The following ADARB2 variants were observed in gnomAD, a reference collection of about 807,000 sequenced individuals.
ADARB2 encodes inactive double-stranded RNA-specific editase B2.
ADARB2 carries 25 observed loss-of-function variants against 62.2 expected under a neutral mutation model. That is an observed-to-expected ratio of 0.40 (90% CI 0.29 to 0.56). The LOEUF is 0.56. ADARB2 is among the 20% of genes least tolerant of loss of function. The pLI, the probability that ADARB2 is intolerant of heterozygous loss-of-function variation, is 0.43. For missense variants in ADARB2, 1,071 were observed against 1,077.4 expected, an observed-to-expected ratio of 0.99 and a Z score of 0.08; for synonymous variants, 572 against 500.8, an observed-to-expected ratio of 1.14 and a Z score of -1.90.
chr10:1,207,741 C>T (rs565290757), intron 7 of ADARB2, among the ~76,000 whole-genome samples: 1 of 152,362 alleles, frequency 6.6e-6, no homozygotes, highest in South Asian at 2.1e-4. Flanking sequence ...CATTTAAAGA[C>T]ACATTGTGAT....
intron 1 of ADARB2, among the ~76,000 whole-genome samples, chr10:1,600,652 ACT>A: frequency 9.7e-6 from 1 of 103,018 alleles, no homozygotes; most frequent in Admixed American, 1.5e-4. Flanking sequence ...ACAGAGTGAG[ACT>A]CTGTCTCAAA....
chr10:1,719,689 C>G (rs1200477359), intron 1 of ADARB2, among the ~76,000 whole-genome samples: 1 of 152,142 alleles, frequency 6.6e-6, no homozygotes, highest in Non-Finnish European at 1.5e-5. Context: ...CTAAATAAAT[C>G]AACAAGCAAA....
At position 1,703,482 on chromosome 10, in the gene ADARB2, A is replaced by C. The variant is rs572558006; in HGVS notation, c.100+33569T>G. On this transcript the variant is annotated intron_variant, in intron 1 of 9. Coordinates refer to ENST00000381312, the MANE Select transcript of ADARB2 (RefSeq NM_018702.4). ...CAAGAGAAATAGTAGTGTGTGTTTG[A>C]GTAGGCAGGGATGATCCAGCAGAGA... is the stretch of plus-strand genomic sequence containing the variant. Among the ~76,000 whole-genome samples the C allele has an allele frequency of 9.2e-5, 14 of 152,246 alleles. No individual in the cohort carries two copies. The South Asian group carries it at 2.7e-3, about 29-fold the overall frequency.
intron 3 of ADARB2, among the ~76,000 whole-genome samples, chr10:1,313,999 C>T (rs1323278027): frequency 6.6e-6 from 1 of 152,238 alleles, no homozygotes; most frequent in African/African-American, 2.4e-5. Flanking sequence ...AATCTCCAGC[C>T]TCCACTCTTG....
At chr10:1,705,907 T>G (rs1834884511) in intron 1 of ADARB2, among the ~76,000 whole-genome samples, 1 of 152,214 alleles carries the variant, frequency 6.6e-6, no homozygotes, top group Non-Finnish European at 1.5e-5. Flanking sequence ...CTAGCTATTC[T>G]AGGATCAGAA....
chr10:1,683,294 C>T (rs1834561488), intron 1 of ADARB2, among the ~76,000 whole-genome samples: 1 of 152,174 alleles, frequency 6.6e-6, no homozygotes, highest in African/African-American at 2.4e-5. Context: ...AAATGTGCTT[C>T]ATAAGGAATC....
chr10:1,512,512 G>T (rs1831949471), intron 1 of ADARB2, among the ~76,000 whole-genome samples: 1 of 152,218 alleles, frequency 6.6e-6, no homozygotes, highest in South Asian at 2.1e-4. Flanking sequence ...ACAGAATGAG[G>T]TCAGTATCAT....
chr10:1,484,429 G>C lies in ADARB2; in HGVS notation c.101-105269C>G, dbSNP rs1430926694. 2.0e-5 allele frequency among the ~76,000 whole-genome samples: 3 copies of C among 152,256 alleles called. No homozygotes were observed. In the South Asian group the frequency reaches 6.2e-4, roughly 32 times the overall value. ...CCCCAGGCTGCCGCCCACCGCTCAA[G>C]CTCAGAGCTAGAGCCCTGTCCACGC... On this transcript the variant is annotated intron_variant, in intron 1 of 9. Transcript: ENST00000381312.
chr10:1,624,624 G>GT (rs1833744784), intron 1 of ADARB2, among the ~76,000 whole-genome samples: 1 of 152,254 alleles, frequency 6.6e-6, no homozygotes, highest in South Asian at 2.1e-4. Flanking sequence ...TGATGGATAT[G>GT]TTTTTAAGAG....
rs532482059 is a variant in ADARB2 at position 1,627,208 on chromosome 10, C to T, written c.100+109843G>A. Among the ~76,000 whole-genome samples the T allele has an allele frequency of 2.7e-3, 416 of 152,032 alleles. 3 individuals carry two copies. Among genetic ancestry groups the T allele is most frequent in the African/African-American group, 8.7e-3 (360 of 41,450 alleles). On this transcript the variant is annotated intron_variant, in intron 1 of 9. Coordinates refer to ENST00000381312, the MANE Select transcript of ADARB2 (RefSeq NM_018702.4). ...GGGACGTGCACAAGAAGGGGCTTGA[C>T]GAGCCTCGGATTGATTTATTGATTT...
chr10:1,652,772 G>A (rs1387515227), intron 1 of ADARB2, among the ~76,000 whole-genome samples: 1 of 152,162 alleles, frequency 6.6e-6, no homozygotes, highest in Non-Finnish European at 1.5e-5. Context: ...GTTAGATGGT[G>A]CTGAACTTGA....
chr10:1,284,746 G>T (rs181358550), intron 3 of ADARB2, among the ~76,000 whole-genome samples: 5 of 152,170 alleles, frequency 3.3e-5, no homozygotes, highest in African/African-American at 1.2e-4. Flanking sequence ...CTCTTTTGAG[G>T]TGGATTCCCA....
intron 4 of ADARB2, among the ~76,000 whole-genome samples, chr10:1,250,951 G>A (rs1831032715): frequency 1.3e-5 from 2 of 152,178 alleles, no homozygotes; most frequent in Admixed American, 6.5e-5. Context: ...CAGGAATTTA[G>A]TATAGGACAA....
At chr10:1,479,373 T>G (rs576637492) in intron 1 of ADARB2, among the ~76,000 whole-genome samples, 1 of 152,182 alleles carries the variant, frequency 6.6e-6, no homozygotes, top group Admixed American at 6.5e-5. Flanking sequence ...AAGTTAGGGA[T>G]AGCAGATTCC....
intron 1 of ADARB2, among the ~76,000 whole-genome samples, chr10:1,587,767 G>A (rs897814969): frequency 2.3e-4 from 35 of 152,266 alleles, no homozygotes; most frequent in Non-Finnish European, 3.1e-4. Flanking sequence ...TTGTGGGAGC[G>A]ACCTGGTGGG....
intron 1 of ADARB2, chr10:1,526,850 A>G (rs772741110): frequency 5.8e-6 from 3 of 515,666 alleles, no homozygotes; most frequent in Non-Finnish European, 1.2e-5. Flanking sequence ...GTGAGCGGGC[A>G]CAGGCAGCCA....
chr10:1,718,652 C>T (rs1027530049), intron 1 of ADARB2, among the ~76,000 whole-genome samples: 2 of 152,180 alleles, frequency 1.3e-5, no homozygotes, highest in South Asian at 4.1e-4. Context: ...TCTGAGCATC[C>T]CTAAAGCAGG....
chr10:1,625,718 C>G (rs147878474), intron 1 of ADARB2, among the ~76,000 whole-genome samples: 2 of 152,298 alleles, frequency 1.3e-5, no homozygotes, highest in African/African-American at 4.8e-5. Context: ...ACAGCCTCCA[C>G]AGATCCAGCC....
chr10:1,266,155 C>A (rs568358859), intron 4 of ADARB2, among the ~76,000 whole-genome samples: 2 of 152,326 alleles, frequency 1.3e-5, no homozygotes, highest in East Asian at 3.9e-4. Flanking sequence ...ACGGTCCACG[C>A]CCTCTGAGAA....
Sources: gnomAD v4.1 joint callset for allele counts (sites outside exome capture counted in the v4.1 genomes callset) on GRCh38, gnomAD v4.1.1 for gene constraint, MANE v1.5 for transcripts, NCBI Gene and HGNC (gene_info 2026-07-23, HGNC 2026-07-21) for gene names.